Variants in NARS2 observed in about 807,000 individuals in gnomAD.
The protein encoded by NARS2 is asparaginyl-tRNA synthetase 2, mitochondrial.
In NARS2, 60 loss-of-function variants were observed where a neutral mutation model predicts 62.9. The ratio of observed to expected loss-of-function variants is 0.95; its 90% CI spans 0.77 to 1.18. The LOEUF is 1.18. Among genes scored for constraint, NARS2 ranks in the 50% most tolerant of loss-of-function variants. The pLI is 0.00. For missense variants in NARS2, 619 were observed against 576.4 expected (o/e 1.07, Z -0.76); for synonymous variants, 196 against 200.0 (o/e 0.98, Z 0.17).
chr11:78,564,537 T>C (rs1315406604), intron 4 of NARS2, among the ~76,000 whole-genome samples: 4 of 152,184 alleles, frequency 2.6e-5, no homozygotes, highest in Non-Finnish European at 5.9e-5. Flanking sequence ...TCTTACTTTT[T>C]AATTGTTTAC....
chr11:78,475,456 T>C (rs1859048766), intron 9 of NARS2, among the ~76,000 whole-genome samples: 1 of 152,166 alleles, frequency 6.6e-6, no homozygotes, highest in African/African-American at 2.4e-5. Context: ...GTAAATATAC[T>C]TTTGGTTTTT....
chr11:78,464,827 C>T (rs959026586), intron 11 of NARS2, among the ~76,000 whole-genome samples: 4 of 151,892 alleles, frequency 2.6e-5, no homozygotes, highest in Non-Finnish European at 5.9e-5. Context: ...TACAGAGTGC[C>T]GATTGGTGTA....
rs368358001 is a variant in NARS2, at chr11:78,476,839, C to T, written c.959+1599G>A. On this transcript the variant is annotated intron_variant, in intron 9 of 13. Transcript: ENST00000281038. ...AGTCGTAATGATAGTGGGGCAGCTACAACCACTCTACCCTTAATTCCAGTA... is the reference window on the plus strand; with the variant it reads ...AGTCGTAATGATAGTGGGGCAGCTATAACCACTCTACCCTTAATTCCAGTA... 4.6e-5 allele frequency among the ~76,000 whole-genome samples: 7 copies of T among 152,318 alleles called. No individual in the cohort carries two copies. The South Asian group carries it at 1.5e-3, about 32-fold the overall frequency.
At chr11:78,519,767 C>T (rs927501150) in intron 6 of NARS2, among the ~76,000 whole-genome samples, 2 of 151,234 alleles carry the variant, frequency 1.3e-5, no homozygotes, top group Middle Eastern at 6.8e-3. Flanking sequence ...GTGGCACGAT[C>T]TCAGCTCACT....
chr11:78,472,437 TCACA>T (rs1293023292), intron 9 of NARS2, among the ~76,000 whole-genome samples: 1 of 152,146 alleles, frequency 6.6e-6, no homozygotes, highest in East Asian at 1.9e-4. Flanking sequence ...CGCCTCAAAT[TCACA>T]CACAAAGATA....
chr11:78,475,425 GT>G (rs1859047080), intron 9 of NARS2, among the ~76,000 whole-genome samples: 1 of 152,090 alleles, frequency 6.6e-6, no homozygotes, highest in African/African-American at 2.4e-5. Flanking sequence ...GTACCCAGAG[GT>G]AGGATGGCTG....
intron 9 of NARS2, among the ~76,000 whole-genome samples, chr11:78,477,409 T>C (rs972160293): frequency 1.3e-5 from 2 of 152,140 alleles, no homozygotes; most frequent in African/African-American, 2.4e-5. Context: ...TTTCAGTTAA[T>C]AGCAACTTCA....
chr11:78,464,418 C>T (rs1288968555), intron 11 of NARS2, among the ~76,000 whole-genome samples: 1 of 152,198 alleles, frequency 6.6e-6, no homozygotes, highest in African/African-American at 2.4e-5. Context: ...GCCCCACCCA[C>T]ATCCTGCTGA....
intron 6 of NARS2, among the ~76,000 whole-genome samples, chr11:78,516,088 T>C (rs1860900287): frequency 6.6e-6 from 1 of 152,188 alleles, no homozygotes; most frequent in African/African-American, 2.4e-5. Context: ...AGATTCTAAG[T>C]ATTTGGAAGT....
intron 11 of NARS2, among the ~76,000 whole-genome samples, chr11:78,449,608 C>T (rs1565205428): frequency 6.6e-6 from 1 of 152,086 alleles, no homozygotes; most frequent in Non-Finnish European, 1.5e-5. Flanking sequence ...TCAGGATAGG[C>T]TAGGCTAAGC....
At chr11:78,462,342 G>A (rs1858432484) in intron 11 of NARS2, among the ~76,000 whole-genome samples, 1 of 152,086 alleles carries the variant, frequency 6.6e-6, no homozygotes, top group African/African-American at 2.4e-5. Context: ...GGCAACCTGG[G>A]GGCCAATTAC....
intron 5 of NARS2, among the ~76,000 whole-genome samples, chr11:78,533,516 G>A (rs1227498782): frequency 1.3e-5 from 2 of 152,150 alleles, no homozygotes; most frequent in Admixed American, 6.5e-5. Flanking sequence ...AAACTGGCCA[G>A]ATCTAAAGCT....
At chr11:78,466,409 T>C (rs771270152) in intron 10 of NARS2, among the ~76,000 whole-genome samples, 8 of 152,192 alleles carry the variant, frequency 5.3e-5, no homozygotes, top group Non-Finnish European at 1.2e-4. Context: ...TGTTCCTAAG[T>C]CTCAGGAAAT....
chr11:78,515,689 A>G (rs1860882302), intron 6 of NARS2, among the ~76,000 whole-genome samples: 1 of 151,404 alleles, frequency 6.6e-6, no homozygotes, highest in African/African-American at 2.4e-5. Context: ...GGCTGATTAA[A>G]AAAAAAAAAA....
chr11:78,518,675 G>A (rs1195944283), intron 6 of NARS2, among the ~76,000 whole-genome samples: 5 of 151,922 alleles, frequency 3.3e-5, no homozygotes, highest in African/African-American at 9.7e-5. Flanking sequence ...CCGCCACCAC[G>A]CCCGGCCAAT....
intron 6 of NARS2, among the ~76,000 whole-genome samples, chr11:78,525,192 C>T (rs1371176928): frequency 6.6e-6 from 1 of 152,054 alleles, no homozygotes; most frequent in Non-Finnish European, 1.5e-5. Context: ...AAAAACTATT[C>T]TGTATGTTAC....
chr11:78,448,214 C>A (rs1857831071), intron 11 of NARS2, among the ~76,000 whole-genome samples: 1 of 151,670 alleles, frequency 6.6e-6, no homozygotes, highest in Non-Finnish European at 1.5e-5. Flanking sequence ...TTGTCAGAAC[C>A]AGACGAAACA....
rs1169376721 is a variant in NARS2, at chr11:78,436,812, T to C, written c.1292A>G (p.Tyr431Cys). The change falls in exon 14 of 14, where the codon TAT (tyrosine) becomes TGT (cysteine). Residue 431 changes from tyrosine to cysteine, a missense_variant and splice_region_variant. Transcript: ENST00000281038. Reference sequence around the variant, plus strand: ...AGATCCAAATCGACGAAGGTCCAGATACCTGTTTTTCAAAAATAGAAAATC... The same window carrying C: ...AGATCCAAATCGACGAAGGTCCAGACACCTGTTTTTCAAAAATAGAAAATC... ...RSGLTEVYQW[Y>C]LDLRRFGSVP... 1.2e-6 allele frequency: 2 copies of C among 1,613,452 alleles called. No individual in the cohort carries two copies. The highest frequency in any genetic ancestry group is 2.2e-5 in the East Asian group (1 of 44,880).
At chr11:78,492,112 G>C (rs56249020) in intron 7 of NARS2, among the ~76,000 whole-genome samples, 69,764 of 145,150 alleles carry the variant, frequency 0.48, 19,813 homozygotes, top group Non-Finnish European at 0.66. Flanking sequence ...TATATATACA[G>C]ACACACACAC....
Sources: allele counts gnomAD v4.1 joint callset (sites outside exome capture counted in the v4.1 genomes callset), GRCh38; gene constraint gnomAD v4.1.1; transcripts MANE v1.5; gene names NCBI Gene and HGNC (gene_info 2026-07-23, HGNC 2026-07-21).